The following JAKMIP2 variants were observed in gnomAD, a reference collection of about 807,000 sequenced individuals.
The protein encoded by JAKMIP2 is janus kinase and microtubule interacting protein 2, also known as janus kinase and microtubule-interacting protein 2.
In JAKMIP2, 25 loss-of-function variants were observed where a neutral mutation model predicts 115.0. The observed-to-expected ratio is 0.22, with a 90% CI of 0.16 to 0.30. The LOEUF is 0.30. Among genes scored for constraint, JAKMIP2 ranks in the 10% least tolerant of loss-of-function variants. The pLI is 1.00. For missense variants in JAKMIP2, 642 were observed against 957.6 expected, an observed-to-expected ratio of 0.67 and a Z score of 4.35; for synonymous variants, 334 against 343.6, an observed-to-expected ratio of 0.97 and a Z score of 0.31.
chr5:147,754,860 G>A (rs1352697791), intron 1 of JAKMIP2, among the ~76,000 whole-genome samples: 2 of 152,146 alleles, frequency 1.3e-5, no homozygotes, highest in African/African-American at 4.8e-5. Context: ...TCACAAGGTA[G>A]GGTGAGCAAC....
intron 20 of JAKMIP2, among the ~76,000 whole-genome samples, chr5:147,605,945 CT>C (rs534013474): frequency 6.6e-6 from 1 of 152,142 alleles, no homozygotes; most frequent in African/African-American, 2.4e-5. Context: ...TGATGATGAG[CT>C]TTTTTTCATG....
intron 1 of JAKMIP2, among the ~76,000 whole-genome samples, chr5:147,683,154 C>T (rs1267597291): frequency 6.6e-6 from 1 of 152,160 alleles, no homozygotes; most frequent in African/African-American, 2.4e-5. Context: ...TCAGAGCCCC[C>T]ACCTGAGGCA....
intron 1 of JAKMIP2, among the ~76,000 whole-genome samples, chr5:147,685,274 C>A (rs1358328945): frequency 6.6e-6 from 1 of 152,022 alleles, no homozygotes; most frequent in Non-Finnish European, 1.5e-5. Flanking sequence ...AAGATGATAC[C>A]CAACTCTCAG....
intron 1 of JAKMIP2, among the ~76,000 whole-genome samples, chr5:147,781,145 C>T (rs1755742959): frequency 6.6e-6 from 1 of 152,146 alleles, no homozygotes; most frequent in African/African-American, 2.4e-5. Flanking sequence ...TCGCTTTGCT[C>T]ACTCTCTGGT....
intron 1 of JAKMIP2, among the ~76,000 whole-genome samples, chr5:147,699,888 A>T (rs188738084): frequency 1.3e-5 from 2 of 152,324 alleles, no homozygotes; most frequent in South Asian, 2.1e-4. Context: ...AAAACTGTCT[A>T]TTCAAACTTG....
chr5:147,628,293 G>A (rs552641285), intron 16 of JAKMIP2, among the ~76,000 whole-genome samples: 2 of 152,228 alleles, frequency 1.3e-5, no homozygotes, highest in Admixed American at 6.5e-5. Context: ...ATTTTCTCCT[G>A]ACAGTCTCTA....
At chr5:147,635,280 T>C (rs1293529091) in intron 12 of JAKMIP2, among the ~76,000 whole-genome samples, 1 of 152,210 alleles carries the variant, frequency 6.6e-6, no homozygotes, top group African/African-American at 2.4e-5. Context: ...TAATTGACTC[T>C]ATGTTCAGAT....
chr5:147,716,561 A>G (rs1753007883), intron 1 of JAKMIP2, among the ~76,000 whole-genome samples: 1 of 152,028 alleles, frequency 6.6e-6, no homozygotes, highest in Admixed American at 6.6e-5. Flanking sequence ...ATGGTATCTC[A>G]TTGCGGTTTT....
At chr5:147,652,173 C>G (rs546886878) in intron 3 of JAKMIP2, among the ~76,000 whole-genome samples, 106 of 152,190 alleles carry the variant, frequency 7.0e-4, no homozygotes, top group Non-Finnish European at 1.2e-3. Flanking sequence ...CAGTCGTCAT[C>G]ATTTTACAGG....
At chr5:147,724,718 C>T (rs1413968730) in intron 1 of JAKMIP2, among the ~76,000 whole-genome samples, 1 of 152,152 alleles carries the variant, frequency 6.6e-6, no homozygotes, top group Admixed American at 6.5e-5. Context: ...TGTACCCACC[C>T]TATCTTCCTT....
intron 1 of JAKMIP2, among the ~76,000 whole-genome samples, chr5:147,713,891 G>A (rs969423182): frequency 1.3e-5 from 2 of 152,194 alleles, no homozygotes; most frequent in African/African-American, 4.8e-5. Context: ...AAAAGTAAAT[G>A]AGTACTCATG....
Position 147,585,863 on chromosome 5 carries a change from A to C in JAKMIP2, c.*5844T>G, listed in dbSNP as rs1403774250. On this transcript the variant is annotated 3_prime_UTR_variant, in exon 22 of 22. Coordinates refer to ENST00000616793, the MANE Select transcript of JAKMIP2 (RefSeq NM_001270941.2). ...AAAGTATTGGATCTTGAAGGCTAAA[A>C]CATGCATGAACCCTGTTGAGATGGA... 1 of 152,084 alleles carries C rather than the reference A, an allele frequency of 6.6e-6. No homozygotes were observed. Among genetic ancestry groups the C allele is most frequent in the Non-Finnish European group, 1.5e-5 (1 of 68,028 alleles). The allele number at this position is 152,084 out of a possible 1,614,324, so 9.4% of individuals were successfully genotyped here.
intron 20 of JAKMIP2, among the ~76,000 whole-genome samples, chr5:147,603,375 T>C (rs1479257427): frequency 1.3e-5 from 2 of 152,232 alleles, no homozygotes; most frequent in African/African-American, 2.4e-5. Flanking sequence ...ACAGATATTA[T>C]GCTCTAGATA....
In JAKMIP2 at chr5:147,601,826, G is replaced by A; in HGVS notation, c.2413-15C>T. On this transcript the variant is annotated splice_polypyrimidine_tract_variant and intron_variant, in intron 20 of 21. Coordinates refer to ENST00000616793, the MANE Select transcript of JAKMIP2 (RefSeq NM_001270941.2). The stretch of plus-strand genomic sequence containing the variant: ...AGAAACAGAAACTGCAGAAGAAAAA[G>A]AAGAAGATTATGTAAATCTGAATTT... 8.6e-7 allele frequency: 1 copy of A among 1,166,430 alleles called. No homozygotes were observed. 72.3% of individuals were successfully genotyped at this position (1,166,430 alleles called of 1,614,324 possible). A position where few individuals can be genotyped will look rare whatever the true frequency, so the allele number is the denominator to read the frequency against.
rs1431860320 is a variant in JAKMIP2, at chr5:147,636,948, A to G, written c.1614+17T>C. 1.1e-6 allele frequency: 1 copy of G among 872,890 alleles called. No homozygotes were observed. The highest frequency in any genetic ancestry group is 2.0e-6 in the Non-Finnish European group (1 of 501,680). The allele number at this position is 872,890 out of a possible 1,614,324, so 54.1% of individuals were successfully genotyped here. ...AATTGTCTGCATCTGCAGAAGAGCT[A>G]GCAACCAAATGCCTACCTGCCCTTT... On this transcript the variant is annotated intron_variant, in intron 11 of 21. Transcript: ENST00000616793.
intron 2 of JAKMIP2, among the ~76,000 whole-genome samples, chr5:147,671,259 A>G (rs2126805636): frequency 2.0e-5 from 3 of 152,294 alleles, no homozygotes; most frequent in Non-Finnish European, 4.4e-5. Flanking sequence ...AAGCCCTTGG[A>G]AGGTATTGGG....
intron 1 of JAKMIP2, among the ~76,000 whole-genome samples, chr5:147,780,334 A>C (rs1339557011): frequency 6.6e-6 from 1 of 152,190 alleles, no homozygotes; most frequent in Non-Finnish European, 1.5e-5. Context: ...AACTGTACCA[A>C]CTTTGCCTAT....
intron 1 of JAKMIP2, among the ~76,000 whole-genome samples, chr5:147,726,238 AGT>A (rs1373510631): frequency 6.6e-6 from 1 of 152,202 alleles, no homozygotes; most frequent in Non-Finnish European, 1.5e-5. Flanking sequence ...GAGCCTGGCC[AGT>A]TCAATATTGG....
At chr5:147,651,895 TGTTCA>T (rs1758412365) in intron 3 of JAKMIP2, among the ~76,000 whole-genome samples, 1 of 152,240 alleles carries the variant, frequency 6.6e-6, no homozygotes, top group Non-Finnish European at 1.5e-5. Flanking sequence ...CTGAGCAGCA[TGTTCA>T]TTTGTCAGAC....
Sources: allele counts gnomAD v4.1 joint callset (sites outside exome capture counted in the v4.1 genomes callset), GRCh38; gene constraint gnomAD v4.1.1; transcripts MANE v1.5; gene names NCBI Gene and HGNC (gene_info 2026-07-23, HGNC 2026-07-21).